Variants in UTRN observed in about 807,000 individuals in gnomAD.
UTRN encodes the protein utrophin.
In UTRN, 283 loss-of-function variants were observed where a neutral mutation model predicts 463.9. The ratio of observed to expected loss-of-function variants is 0.61; its 90% CI spans 0.55 to 0.67. The LOEUF (loss-of-function observed/expected upper bound fraction) is 0.67. Ranked by LOEUF, UTRN falls within the 30% of genes least tolerant of loss-of-function variation. The pLI is 0.00. For synonymous variants in UTRN, 1,442 were observed against 1,431.5 expected, an observed-to-expected ratio of 1.01 and a Z score of -0.17; for missense variants, 3,922 against 4,084.3, an observed-to-expected ratio of 0.96 and a Z score of 1.08.
At chr6:144,656,711 T>C (rs755004829) in intron 51 of UTRN, among the ~76,000 whole-genome samples, 155 of 152,272 alleles carry the variant, frequency 1.0e-3, no homozygotes, top group Middle Eastern at 6.8e-3. Context: ...TTTTGAGTAA[T>C]ATATTAGATA....
intron 51 of UTRN, among the ~76,000 whole-genome samples, chr6:144,668,699 G>C (rs1780679581): frequency 6.6e-6 from 1 of 152,128 alleles, no homozygotes; most frequent in African/African-American, 2.4e-5. Flanking sequence ...TTCCTTTATA[G>C]GGGTAGTAAT....
chr6:144,701,382 C>T (rs1784579269), intron 53 of UTRN, among the ~76,000 whole-genome samples: 1 of 150,396 alleles, frequency 6.6e-6, no homozygotes, highest in Non-Finnish European at 1.5e-5. Context: ...ATGTGTTTTA[C>T]TTTTCTGAGC....
In UTRN at chr6:144,774,983, A is replaced by G. The variant is rs1470284088; in HGVS notation, c.8632+619A>G. 5.9e-5 allele frequency among the ~76,000 whole-genome samples: 9 copies of G among 152,330 alleles called. No homozygotes were observed. The South Asian group carries it at 1.0e-3, about 18-fold the overall frequency. On this transcript the variant is annotated intron_variant, in intron 60 of 74. Coordinates refer to ENST00000367545, the MANE Select transcript of UTRN (RefSeq NM_007124.3). The stretch of plus-strand genomic sequence containing the variant: ...GTGTGAATACTTAGCATATAGATTT[A>G]TGCTATCTGGATTCTATTTGTGGTT...
chr6:144,838,166 A>G (rs1259400457), intron 71 of UTRN, among the ~76,000 whole-genome samples: 3 of 152,320 alleles, frequency 2.0e-5, no homozygotes, highest in Non-Finnish European at 2.9e-5. Context: ...TGATGCCCAC[A>G]GGAGAGCAAA....
At chr6:144,428,676 C>T in intron 7 of UTRN, 102 bp from the exon 8 acceptor site, 2 of 591,856 alleles carry the variant, frequency 3.4e-6, no homozygotes, top group African/African-American at 3.8e-5. Flanking sequence ...AAAAACCTCA[C>T]AAATAAAAAT....
At chr6:144,419,865 C>T (rs544063476) in intron 3 of UTRN, among the ~76,000 whole-genome samples, 83 of 152,132 alleles carry the variant, frequency 5.5e-4, no homozygotes, top group African/African-American at 2.0e-3. Context: ...AAAAGAGTAT[C>T]ACTTCCACTG....
At chr6:144,560,619 A>G (rs941752048) in intron 50 of UTRN, among the ~76,000 whole-genome samples, 9 of 152,164 alleles carry the variant, frequency 5.9e-5, no homozygotes, top group Non-Finnish European at 1.3e-4. Flanking sequence ...GTGAAGTTCA[A>G]TATCAGCTTT....
intron 23 of UTRN, among the ~76,000 whole-genome samples, chr6:144,463,180 A>C (rs1383148282): frequency 6.6e-6 from 1 of 152,242 alleles, no homozygotes; most frequent in East Asian, 1.9e-4. Flanking sequence ...ATTAGATTAT[A>C]GTAGTAACTT....
intron 44 of UTRN, 139 bp from the exon 45 acceptor site, chr6:144,539,155 G>T: frequency 1.0e-6 from 1 of 974,800 alleles, no homozygotes; most frequent in Non-Finnish European, 1.4e-6. Flanking sequence ...ATGAGCTTAA[G>T]CTTCTTATAA....
Position 144,839,258 on chromosome 6 carries a change from C to G in UTRN, c.10151C>G (p.Ala3384Gly). 6.2e-7 allele frequency: 1 copy of G among 1,613,866 alleles called. No homozygotes were observed. Among genetic ancestry groups the G allele is most frequent in the Non-Finnish European group, 8.5e-7 (1 of 1,179,944 alleles). ...SALSYSLDPDASGPQFHQAAG... is the reference protein window; with the variant it reads ...SALSYSLDPDGSGPQFHQAAG... ...CTGAGCTACTCGCTTGATCCAGATG[C>G]CTCCGGCCCACAGTTCCACCAGGCA... The change falls in exon 72 of 75, where the codon GCC becomes GGC. Residue 3384 changes from alanine to glycine, a missense_variant. This residue lies in a region of UTRN where 1,309 missense variants were observed against 1,452.6 expected (regional missense o/e 0.90). Coordinates refer to ENST00000367545, the MANE Select transcript of UTRN (RefSeq NM_007124.3).
chr6:144,320,300 T>TTATTAC (rs1388366415), intron 2 of UTRN, among the ~76,000 whole-genome samples: 3 of 152,208 alleles, frequency 2.0e-5, no homozygotes, highest in African/African-American at 7.2e-5. Context: ...TTTGTTATTA[T>TTATTAC]TATTACTATT....
At chr6:144,582,506 G>A (rs552363109) in intron 51 of UTRN, among the ~76,000 whole-genome samples, 2 of 152,190 alleles carry the variant, frequency 1.3e-5, no homozygotes, top group South Asian at 4.1e-4. Context: ...TTATGTACTG[G>A]ATTTTTATAT....
At chr6:144,679,559 T>C (rs925078476) in intron 52 of UTRN, among the ~76,000 whole-genome samples, 4 of 152,196 alleles carry the variant, frequency 2.6e-5, no homozygotes, top group Admixed American at 6.6e-5. Context: ...TGGATTATTT[T>C]ATTTACAAAA....
chr6:144,828,573 C>A (rs1780391504), intron 68 of UTRN, among the ~76,000 whole-genome samples: 1 of 152,118 alleles, frequency 6.6e-6, no homozygotes, highest in South Asian at 2.1e-4. Flanking sequence ...GGAGACTTTA[C>A]AACATGGCGT....
intron 74 of UTRN, 69 bp downstream of exon 74, chr6:144,846,896 C>A: frequency 6.3e-7 from 1 of 1,577,770 alleles, no homozygotes; most frequent in Non-Finnish European, 8.7e-7. Flanking sequence ...TTATCCACGA[C>A]TGATTTTATT....
chr6:144,792,339 G>C (rs766087146), intron 62 of UTRN, among the ~76,000 whole-genome samples: 1 of 152,172 alleles, frequency 6.6e-6, no homozygotes, highest in Admixed American at 6.5e-5. Context: ...ACTGTGATCG[G>C]GAGTTCGAGA....
At chr6:144,678,295 C>T in intron 51 of UTRN, 111 bp from the exon 52 acceptor site, 1 of 1,047,396 alleles carries the variant, frequency 9.5e-7, no homozygotes, top group Non-Finnish European at 1.3e-6. Flanking sequence ...ACTTGAATTT[C>T]TTATAATTTA....
At position 144,506,587 on chromosome 6, in the gene UTRN, C is replaced by T. The variant is rs374039447; in HGVS notation, c.4765-4357C>T. Among the ~76,000 whole-genome samples the T allele has an allele frequency of 7.8e-4, 119 of 152,266 alleles. 1 individual carries two copies. In the South Asian group the frequency reaches 0.024, roughly 31 times the overall value. ...TTTCTTTAAGAATGTTGAATATTAG[C>T]CCCCATTCTCTTCTGGCTTGTAGGT... On this transcript the variant is annotated intron_variant, in intron 34 of 74. Coordinates refer to ENST00000367545, the MANE Select transcript of UTRN (RefSeq NM_007124.3).
At chr6:144,313,013 T>C (rs1775036111) in intron 2 of UTRN, among the ~76,000 whole-genome samples, 1 of 151,972 alleles carries the variant, frequency 6.6e-6, no homozygotes, top group Admixed American at 6.5e-5. Context: ...AGTTGGTGGG[T>C]GATGGAGGGT....
Sources: allele counts gnomAD v4.1 joint callset (sites outside exome capture counted in the v4.1 genomes callset), GRCh38; gene constraint gnomAD v4.1.1; regional missense constraint gnomAD v4.1.1; transcripts MANE v1.5; gene names NCBI Gene and HGNC (gene_info 2026-07-23, HGNC 2026-07-21).